Variants in PRKN observed in about 807,000 individuals in gnomAD.
The protein encoded by PRKN is parkin RBR E3 ubiquitin protein ligase, also known as E3 ubiquitin-protein ligase parkin.
A neutral mutation model predicts 59.5 loss-of-function variants in PRKN; 56 were observed. The ratio of observed to expected loss-of-function variants is 0.94; its 90% CI spans 0.76 to 1.18. PRKN has a LOEUF of 1.18. Among genes scored for constraint, PRKN ranks in the 50% most tolerant of loss-of-function variants. The pLI is 0.00. For synonymous variants in PRKN, 250 were observed against 222.1 expected, an observed-to-expected ratio of 1.13 and a Z score of -1.12; for missense variants, 657 against 596.4, an observed-to-expected ratio of 1.10 and a Z score of -1.06.
At chr6:161,873,407 C>G (rs1305581219) in intron 6 of PRKN, among the ~76,000 whole-genome samples, 2 of 151,884 alleles carry the variant, frequency 1.3e-5, no homozygotes, top group African/African-American at 4.8e-5. Context: ...AGTCACGAGA[C>G]AGAAGAGGAG....
intron 4 of PRKN, among the ~76,000 whole-genome samples, chr6:162,185,970 A>AT (rs927741055): frequency 6.8e-4 from 103 of 150,566 alleles, no homozygotes; most frequent in African/African-American, 1.9e-3. Context: ...AAATCTTTAG[A>AT]TTTTTTTTTT....
At chr6:162,253,249 G>A (rs117223106) in intron 3 of PRKN, among the ~76,000 whole-genome samples, 1 of 151,770 alleles carries the variant, frequency 6.6e-6, no homozygotes, top group Non-Finnish European at 1.5e-5. Context: ...CTCTGTTAAC[G>A]AAACAGGCAT....
At position 161,593,900 on chromosome 6, in the gene PRKN, C is replaced by T. The variant is rs1051647208; in HGVS notation, c.872-24484G>A. On this transcript the variant is annotated intron_variant, in intron 7 of 11. Transcript: ENST00000366898. This position sits in a 1 kb window ranked among gnomAD's most constrained non-coding sequence, Gnocchi z 4.8. ...GGCGCAGTGGCTCATGCCTGTAATC[C>T]CAGCACTTTGGGAGGCTGAGGTGGG... Among the ~76,000 whole-genome samples, 1 of 151,820 alleles carries T rather than the reference C, an allele frequency of 6.6e-6. No homozygotes were observed. The highest frequency in any genetic ancestry group is 2.4e-5 in the African/African-American group (1 of 41,320).
chr6:161,572,720 T>C (rs1003864256), intron 7 of PRKN, among the ~76,000 whole-genome samples: 2 of 152,034 alleles, frequency 1.3e-5, no homozygotes, highest in African/African-American at 4.8e-5. Context: ...GAAAACATAA[T>C]ACATTAGCTT....
intron 2 of PRKN, among the ~76,000 whole-genome samples, chr6:162,425,792 G>A (rs1292771176): frequency 6.6e-6 from 1 of 152,200 alleles, no homozygotes; most frequent in African/African-American, 2.4e-5. Context: ...TCTAGAATTA[G>A]AGGAAAATGC....
At chr6:162,246,838 C>T (rs1038375605) in intron 3 of PRKN, among the ~76,000 whole-genome samples, 1 of 152,034 alleles carries the variant, frequency 6.6e-6, no homozygotes, top group Admixed American at 6.6e-5. Context: ...TTTTAGCTGA[C>T]TAAATAGAAT....
intron 1 of PRKN, among the ~76,000 whole-genome samples, chr6:162,627,458 G>A (rs1033150929): frequency 3.3e-5 from 5 of 152,138 alleles, no homozygotes; most frequent in African/African-American, 1.2e-4. Context: ...TTATTTTATA[G>A]GTAATGAGGA....
intron 3 of PRKN, among the ~76,000 whole-genome samples, chr6:162,261,301 ACTGTTT>A (rs1779876944): frequency 6.6e-6 from 1 of 152,104 alleles, no homozygotes; most frequent in Non-Finnish European, 1.5e-5. Context: ...TCCTGTGTCT[ACTGTTT>A]CTCAAAATAA....
rs1790029158 is a variant in PRKN, at chr6:161,457,576, G to A, written c.1084-70699C>T. On this transcript the variant is annotated intron_variant, in intron 9 of 11. Transcript: ENST00000366898. The surrounding 1 kb of genome is among the most constrained non-coding windows in gnomAD (Gnocchi z 5.0). ...GCTGAATGTGTGGATAGATGGATGGGAGGATGAATGGATGCATGAATGAAT... is the reference window on the plus strand; with the variant it reads ...GCTGAATGTGTGGATAGATGGATGGAAGGATGAATGGATGCATGAATGAAT... 6.6e-6 allele frequency among the ~76,000 whole-genome samples: 1 copy of A among 152,208 alleles called. No individual in the cohort carries two copies. The highest frequency in any genetic ancestry group is 2.1e-4 in the South Asian group (1 of 4,828).
intron 1 of PRKN, among the ~76,000 whole-genome samples, chr6:162,655,249 A>G (rs1396620886): frequency 2.0e-5 from 3 of 152,210 alleles, no homozygotes; most frequent in Non-Finnish European, 4.4e-5. Flanking sequence ...CATGAAGTCT[A>G]TAAAAAAGGA....
intron 4 of PRKN, among the ~76,000 whole-genome samples, chr6:162,086,369 G>A (rs1779247310): frequency 1.3e-5 from 2 of 152,106 alleles, no homozygotes; most frequent in Admixed American, 1.3e-4. Context: ...GAAACAAGCA[G>A]GTAGTTTGAG....
At chr6:161,845,374 A>G (rs1404414329) in intron 6 of PRKN, among the ~76,000 whole-genome samples, 1 of 152,178 alleles carries the variant, frequency 6.6e-6, no homozygotes, top group Non-Finnish European at 1.5e-5. Context: ...GCACTGAACG[A>G]CATTCTAAGG....
At chr6:162,530,693 T>C (rs550150300) in intron 1 of PRKN, among the ~76,000 whole-genome samples, 1 of 152,288 alleles carries the variant, frequency 6.6e-6, no homozygotes, top group East Asian at 1.9e-4. Context: ...ATTAGCAGCA[T>C]GTTTAATGGA....
At chr6:162,638,983 C>G (rs940298378) in intron 1 of PRKN, among the ~76,000 whole-genome samples, 3 of 152,028 alleles carry the variant, frequency 2.0e-5, no homozygotes, top group East Asian at 3.9e-4. Flanking sequence ...TGACCTCAGG[C>G]GATCCACCCA....
At chr6:161,767,359 A>G (rs965602668) in intron 7 of PRKN, among the ~76,000 whole-genome samples, 1 of 152,136 alleles carries the variant, frequency 6.6e-6, no homozygotes, top group African/African-American at 2.4e-5. Context: ...TAAAAATACA[A>G]AAACAAAATT....
chr6:161,569,957 T>C (rs971259851), intron 7 of PRKN, among the ~76,000 whole-genome samples: 9 of 151,828 alleles, frequency 5.9e-5, no homozygotes, highest in Admixed American at 3.3e-4. Context: ...TGTGAAGACC[T>C]ATTAGATCTT....
At chr6:161,825,221 C>G (rs1488040445) in intron 6 of PRKN, among the ~76,000 whole-genome samples, 3 of 152,150 alleles carry the variant, frequency 2.0e-5, no homozygotes, top group Admixed American at 6.5e-5. Flanking sequence ...GAATATCACA[C>G]AGCAAGAAAA....
intron 4 of PRKN, among the ~76,000 whole-genome samples, chr6:162,135,252 T>C (rs1453561496): frequency 6.6e-6 from 1 of 152,124 alleles, no homozygotes; most frequent in African/African-American, 2.4e-5. Context: ...TCTTCCTGTC[T>C]CAGCCTCCCA....
At chr6:161,928,787 T>G (rs993841334) in intron 6 of PRKN, among the ~76,000 whole-genome samples, 2 of 152,188 alleles carry the variant, frequency 1.3e-5, no homozygotes, top group Non-Finnish European at 2.9e-5. Context: ...AAGTCCCAAG[T>G]GGCAGGGCTG....
Sources: allele counts gnomAD v4.1 joint callset (sites outside exome capture counted in the v4.1 genomes callset), GRCh38; gene constraint gnomAD v4.1.1; non-coding constraint Gnocchi (gnomAD v3.1); transcripts MANE v1.5; gene names NCBI Gene and HGNC (gene_info 2026-07-23, HGNC 2026-07-21).